The following UBE2R2 variants were observed in gnomAD, a reference collection of about 807,000 sequenced individuals.
UBE2R2 encodes ubiquitin-conjugating enzyme E2 R2.
A neutral mutation model predicts 27.8 loss-of-function variants in UBE2R2; 1 was observed. The ratio of observed to expected loss-of-function variants is 0.04; its 90% confidence interval spans 0.01 to 0.17. The LOEUF is 0.17. Ranked by LOEUF, UBE2R2 falls within the 10% of genes least tolerant of loss-of-function variation. The pLI is 1.00. For synonymous variants in UBE2R2, 106 were observed against 113.3 expected (o/e 0.94, Z 0.41); for missense variants, 100 against 291.0 (o/e 0.34, Z 4.78).
At chr9:33,847,134 G>C (rs1820864736) in intron 1 of UBE2R2, among the ~76,000 whole-genome samples, 1 of 150,354 alleles carries the variant, frequency 6.7e-6, no homozygotes, top group African/African-American at 2.4e-5. Flanking sequence ...GTATCACTCT[G>C]TTGCCCAGTC....
intron 1 of UBE2R2, among the ~76,000 whole-genome samples, chr9:33,824,972 C>A (rs1009039988): frequency 6.6e-6 from 1 of 151,910 alleles, no homozygotes; most frequent in Non-Finnish European, 1.5e-5. Flanking sequence ...AGGATTATTT[C>A]TTCCTGGATT....
At chr9:33,863,548 G>A (rs528691090) in intron 1 of UBE2R2, among the ~76,000 whole-genome samples, 1 of 151,920 alleles carries the variant, frequency 6.6e-6, no homozygotes, top group African/African-American at 2.4e-5. Flanking sequence ...AAAAGTGCAT[G>A]GTAGATTTAG....
chr9:33,906,980 G>C (rs1226269034), intron 3 of UBE2R2, among the ~76,000 whole-genome samples: 4 of 152,204 alleles, frequency 2.6e-5, no homozygotes, highest in Non-Finnish European at 5.9e-5. Flanking sequence ...TCAGTGAGCT[G>C]TAATTCTGCC....
chr9:33,844,196 CCA>C (rs997247869), intron 1 of UBE2R2, among the ~76,000 whole-genome samples: 1 of 140,510 alleles, frequency 7.1e-6, no homozygotes, highest in Admixed American at 7.0e-5. Context: ...TTTTTCTGTT[CCA>C]CACACACATA....
intron 4 of UBE2R2, among the ~76,000 whole-genome samples, chr9:33,915,946 C>T (rs1351751556): frequency 6.6e-6 from 1 of 152,018 alleles, no homozygotes; most frequent in African/African-American, 2.4e-5. Context: ...ATGTGTGGGG[C>T]AGGGGAAGAG....
intron 1 of UBE2R2, among the ~76,000 whole-genome samples, chr9:33,866,938 C>T (rs1355183667): frequency 3.3e-5 from 5 of 151,960 alleles, no homozygotes; most frequent in South Asian, 2.1e-4. Context: ...ATGATTTTTT[C>T]GATGAAACAG....
intron 1 of UBE2R2, among the ~76,000 whole-genome samples, chr9:33,842,828 G>T (rs1305053170): frequency 6.6e-6 from 1 of 151,912 alleles, no homozygotes; most frequent in African/African-American, 2.4e-5. Context: ...ATTTCCTTTT[G>T]TACTTGGCTG....
intron 1 of UBE2R2, among the ~76,000 whole-genome samples, chr9:33,859,795 TGTGTGAGAGAGA>T (rs1162381275): frequency 3.4e-4 from 28 of 82,192 alleles, no homozygotes; most frequent in African/African-American, 1.1e-3. Flanking sequence ...TGTGTGTGTG[TGTGTGAGAGAGA>T]GAGAGAGAGA....
intron 2 of UBE2R2, among the ~76,000 whole-genome samples, chr9:33,891,847 T>C (rs1180782857): frequency 1.3e-5 from 2 of 151,742 alleles, no homozygotes; most frequent in East Asian, 2.0e-4. Context: ...CAGTGGCTTA[T>C]GCCTATAATC....
chr9:33,897,888 G>T (rs1183165680), intron 2 of UBE2R2, among the ~76,000 whole-genome samples: 7 of 148,114 alleles, frequency 4.7e-5, no homozygotes, highest in Non-Finnish European at 8.9e-5. Flanking sequence ...TGATTCTCCT[G>T]CCTCAGCCTC....
chr9:33,911,834 A>AT, intron 3 of UBE2R2, 130 bp from the exon 4 acceptor site: 2 of 853,724 alleles, frequency 2.3e-6, no homozygotes, highest in South Asian at 8.9e-5. Flanking sequence ...AAGGTCTTAA[A>AT]TTTAATTGTA....
intron 1 of UBE2R2, among the ~76,000 whole-genome samples, chr9:33,857,553 T>C (rs1821136607): frequency 6.6e-6 from 1 of 152,132 alleles, no homozygotes; most frequent in Admixed American, 6.5e-5. Context: ...TGACCTCAGG[T>C]GATCCACCCA....
At position 33,864,661 on chromosome 9, in the gene UBE2R2, C is replaced by T. The variant is rs566519762; in HGVS notation, c.178-22220C>T. Among the ~76,000 whole-genome samples, 691 of 151,688 alleles carry T rather than the reference C, an allele frequency of 4.6e-3. 3 individuals are homozygous for T. Among genetic ancestry groups the T allele is most frequent in the Non-Finnish European group, 7.9e-3 (534 of 67,946 alleles). ...AATTCCTGGGCTCAAACTATTCTCC[C>T]GCTGAAGCCTCCTGAGTAGCTGGGA... is the stretch of plus-strand genomic sequence containing the variant. On this transcript the variant is annotated intron_variant, in intron 1 of 4. Coordinates refer to ENST00000263228, the MANE Select transcript of UBE2R2 (RefSeq NM_017811.4).
intron 1 of UBE2R2, among the ~76,000 whole-genome samples, chr9:33,831,698 C>T (rs1327923487): frequency 3.3e-5 from 5 of 152,082 alleles, no homozygotes; most frequent in South Asian, 2.1e-4. Context: ...CTCACTATGT[C>T]GCCCAGGCTG....
At chr9:33,897,734 C>A (rs1822148171) in intron 2 of UBE2R2, among the ~76,000 whole-genome samples, 1 of 151,804 alleles carries the variant, frequency 6.6e-6, no homozygotes. Flanking sequence ...ACCTCCCACG[C>A]ATTCACTGCC....
At chr9:33,871,852 A>G (rs1451874548) in intron 1 of UBE2R2, among the ~76,000 whole-genome samples, 1 of 152,138 alleles carries the variant, frequency 6.6e-6, no homozygotes, top group Non-Finnish European at 1.5e-5. Context: ...CTGGGACTAC[A>G]GGTGTGTGCC....
At chr9:33,907,559 TAGATC>T (rs1269388058) in intron 3 of UBE2R2, among the ~76,000 whole-genome samples, 2 of 152,026 alleles carry the variant, frequency 1.3e-5, no homozygotes, top group Non-Finnish European at 2.9e-5. Flanking sequence ...TGGATTGAGA[TAGATC>T]AGATCTGTTC....
rs539202284 is a variant in UBE2R2 at position 33,833,086 on chromosome 9, A to G, written c.177+15152A>G. Among the ~76,000 whole-genome samples, 4 of 152,162 alleles carry G rather than the reference A, an allele frequency of 2.6e-5. No individual in the cohort carries two copies. The South Asian group carries it at 8.3e-4, about 32-fold the overall frequency. ...AATTATGAGGTTTTTCTTTTTTGAG[A>G]AAGGATTTTGCTGTATTGCCCAGGC... On this transcript the variant is annotated intron_variant, in intron 1 of 4. Coordinates refer to ENST00000263228, the MANE Select transcript of UBE2R2 (RefSeq NM_017811.4).
Position 33,886,884 on chromosome 9 carries a change from C to A in UBE2R2, c.181C>A (p.His61Asn). 1 of 1,578,488 alleles carries A rather than the reference C, an allele frequency of 6.3e-7. No individual in the cohort carries two copies. The highest frequency in any genetic ancestry group is 8.5e-7 in the Non-Finnish European group (1 of 1,171,590). Reference sequence around the variant, plus strand: ...ATTTCATTTTTTTTCTTTTCAGGCGCATATTAAATTTCCTATTGACTACCC... The same window carrying A: ...ATTTCATTTTTTTTCTTTTCAGGCGAATATTAAATTTCCTATTGACTACCC... ...TLYEGGYFKAHIKFPIDYPYS... is the reference protein window; with the variant it reads ...TLYEGGYFKANIKFPIDYPYS... Residue 61 changes from histidine (H) to asparagine (N), a missense_variant, in exon 2 of 5, where the codon CAT (histidine) becomes AAT (asparagine). By Grantham distance (68) the His-to-Asn change is moderately conservative (BLOSUM62 1). Transcript: ENST00000263228.
Sources: allele counts gnomAD v4.1 joint callset (sites outside exome capture counted in the v4.1 genomes callset), GRCh38; gene constraint gnomAD v4.1.1; transcripts MANE v1.5; gene names NCBI Gene and HGNC (gene_info 2026-07-23, HGNC 2026-07-21).